Variants in PTPRD observed in about 807,000 individuals in gnomAD.
PTPRD encodes receptor-type tyrosine-protein phosphatase delta.
In PTPRD, 34 loss-of-function variants were observed where a neutral mutation model predicts 214.5. That is an observed-to-expected ratio of 0.16 (90% CI 0.12 to 0.21). The LOEUF is 0.21. Ranked by LOEUF, PTPRD falls within the 10% of genes least tolerant of loss-of-function variation. The pLI, the probability that PTPRD is intolerant of heterozygous loss-of-function variation, is 1.00. For synonymous variants in PTPRD, 1,128 were observed against 845.7 expected (o/e 1.33, Z -5.79); for missense variants, 2,545 against 2,398.7 (o/e 1.06, Z -1.27).
At chr9:8,348,576 G>A (rs1183244600) in intron 39 of PTPRD, among the ~76,000 whole-genome samples, 1 of 152,054 alleles carries the variant, frequency 6.6e-6, no homozygotes, top group East Asian at 1.9e-4. Flanking sequence ...GTAATTGGGG[G>A]TTGTTTCTTT....
chr9:10,439,644 TA>T, intron 2 of PTPRD, among the ~76,000 whole-genome samples: 1 of 151,680 alleles, frequency 6.6e-6, no homozygotes, highest in African/African-American at 2.4e-5. Context: ...AAGTGAGTTT[TA>T]AAAAAGAACA....
At chr9:8,577,893 G>A (rs902059856) in intron 14 of PTPRD, among the ~76,000 whole-genome samples, 6 of 152,106 alleles carry the variant, frequency 3.9e-5, no homozygotes, top group Non-Finnish European at 8.8e-5. Flanking sequence ...ATTCTGATGC[G>A]TACTGATGTT....
intron 5 of PTPRD, among the ~76,000 whole-genome samples, chr9:9,903,065 A>G (rs2076767973): frequency 7.4e-6 from 1 of 135,490 alleles, no homozygotes; most frequent in Non-Finnish European, 1.6e-5. Context: ...GTATATGTGT[A>G]TTTGAGCTAA....
At chr9:9,613,758 T>G (rs2094682606) in intron 7 of PTPRD, among the ~76,000 whole-genome samples, 1 of 152,188 alleles carries the variant, frequency 6.6e-6, no homozygotes, top group African/African-American at 2.4e-5. Context: ...CCCCCTAGTC[T>G]ACTAGGAGCC....
chr9:8,356,116 T>C (rs192284164), intron 39 of PTPRD, among the ~76,000 whole-genome samples: 2 of 152,318 alleles, frequency 1.3e-5, no homozygotes, highest in East Asian at 3.9e-4. Flanking sequence ...TTTTCATTTT[T>C]TTTAAGACCA....
chr9:10,499,359 GATT>G (rs1285006031), intron 2 of PTPRD, among the ~76,000 whole-genome samples: 11 of 151,868 alleles, frequency 7.2e-5, no homozygotes, highest in Non-Finnish European at 2.9e-5. Flanking sequence ...AAACTCGATA[GATT>G]ATTATTACTA....
At chr9:9,955,905 A>AGTTC (rs1566704221) in intron 4 of PTPRD, among the ~76,000 whole-genome samples, 6 of 152,112 alleles carry the variant, frequency 3.9e-5, no homozygotes, top group Non-Finnish European at 5.9e-5. Context: ...TGTTCCTGAA[A>AGTTC]CAGTATCAGA....
chr9:10,341,929 G>T (rs2096947727), intron 2 of PTPRD, among the ~76,000 whole-genome samples: 1 of 151,790 alleles, frequency 6.6e-6, no homozygotes, highest in Non-Finnish European at 1.5e-5. Context: ...CTTTTTAATG[G>T]TATCTTTCAC....
intron 10 of PTPRD, among the ~76,000 whole-genome samples, chr9:9,139,701 C>G (rs530508517): frequency 7.2e-5 from 11 of 152,186 alleles, no homozygotes; most frequent in African/African-American, 2.6e-4. Context: ...AAAACTTATG[C>G]ATTGTCTATT....
chr9:10,215,908 G>A (rs537423091), intron 3 of PTPRD, among the ~76,000 whole-genome samples: 29 of 151,960 alleles, frequency 1.9e-4, no homozygotes, highest in African/African-American at 6.8e-4. Flanking sequence ...ATAGAGGCTG[G>A]GGATGCTGCT....
At chr9:9,206,929 C>T (rs1170536545) in intron 9 of PTPRD, among the ~76,000 whole-genome samples, 4 of 152,170 alleles carry the variant, frequency 2.6e-5, no homozygotes, top group Admixed American at 6.5e-5. Flanking sequence ...TTCATATATA[C>T]ATCTATCCTA....
rs1567102052 is a variant in PTPRD at position 8,934,520 on chromosome 9, A to AATTTATATATATAAATATATATAT, written c.-104+84176_-104+84177insATATATATATTTATATATATAAAT. On this transcript the variant is annotated intron_variant, in intron 11 of 45. Transcript: ENST00000381196. ...ATATATATATAAATATATATATATA[A>AATTTATATATATAAATATATATAT]ATATATATATATATGGGAAACCATA... is the stretch of plus-strand genomic sequence containing the variant. Among the ~76,000 whole-genome samples, 69 of 17,058 alleles carry AATTTATATATATAAATATATATAT rather than the reference A, an allele frequency of 4.0e-3. 4 individuals carry two copies. Among genetic ancestry groups the AATTTATATATATAAATATATATAT allele is most frequent in the East Asian group, 7.8e-3 (3 of 384 alleles). The allele number at this position is 17,058 out of a possible 152,430, so 11.2% of individuals were successfully genotyped here.
intron 5 of PTPRD, among the ~76,000 whole-genome samples, chr9:9,871,452 T>A (rs1030085121): frequency 5.9e-5 from 9 of 152,232 alleles, no homozygotes; most frequent in African/African-American, 2.2e-4. Context: ...TCTGGTTTAG[T>A]ATACGAAAGG....
chr9:8,499,592 G>A (rs2136788850), intron 25 of PTPRD, 55 bp downstream of exon 25: 1 of 1,539,442 alleles, frequency 6.5e-7, no homozygotes, highest in Non-Finnish European at 8.8e-7. Context: ...TTCAGGATAT[G>A]AACTAAGATA....
intron 12 of PTPRD, among the ~76,000 whole-genome samples, chr9:8,691,663 T>C (rs73427509): frequency 0.04 from 6,167 of 152,278 alleles, 402 homozygotes; most frequent in African/African-American, 0.14. Context: ...GGTTGTAAAA[T>C]AGTAACCAGA....
Position 10,200,046 on chromosome 9 carries a change from A to G in PTPRD, c.-545+140917T>C, listed in dbSNP as rs573317217. Among the ~76,000 whole-genome samples, 192 of 152,164 alleles carry G rather than the reference A, an allele frequency of 1.3e-3. 6 individuals are homozygous for G. The South Asian group carries it at 0.037, about 29-fold the overall frequency. ...AGGTTTTTTACTGTTTTTCTTCTAT[A>G]CAGATGTGTAAAAATTTTATATCAT... On this transcript the variant is annotated intron_variant, in intron 3 of 45. Transcript: ENST00000381196.
intron 12 of PTPRD, among the ~76,000 whole-genome samples, chr9:8,730,245 G>A (rs1418224324): frequency 6.6e-6 from 1 of 151,992 alleles, no homozygotes; most frequent in African/African-American, 2.4e-5. Flanking sequence ...GACTGAGCGA[G>A]ACTCTGTCTC....
At chr9:9,485,871 G>C (rs750993260) in intron 8 of PTPRD, among the ~76,000 whole-genome samples, 1 of 151,818 alleles carries the variant, frequency 6.6e-6, no homozygotes, top group Non-Finnish European at 1.5e-5. Context: ...CCTTCCCTTG[G>C]GCCGGGTGGG....
intron 2 of PTPRD, among the ~76,000 whole-genome samples, chr9:10,342,373 T>C (rs2096957529): frequency 6.6e-6 from 1 of 152,126 alleles, no homozygotes; most frequent in African/African-American, 2.4e-5. Flanking sequence ...AAAACTTCAA[T>C]ACTATTGCCT....
Sources: allele counts gnomAD v4.1 joint callset (sites outside exome capture counted in the v4.1 genomes callset), GRCh38; gene constraint gnomAD v4.1.1; transcripts MANE v1.5; gene names NCBI Gene and HGNC (gene_info 2026-07-23, HGNC 2026-07-21).